Variants in ZNF267 observed in about 807,000 individuals in gnomAD.
ZNF267 encodes the protein zinc finger (C2H2).
A neutral mutation model predicts 71.6 loss-of-function variants in ZNF267; 61 were observed. That is an observed-to-expected ratio of 0.85 (90% CI 0.69 to 1.05). ZNF267 has a LOEUF of 1.05. Among genes scored for constraint, ZNF267 ranks in the 50% least tolerant of loss-of-function variants. ZNF267 has a pLI of 0.00. For missense variants in ZNF267, 852 were observed against 870.0 expected, an observed-to-expected ratio of 0.98 and a Z score of 0.26; for synonymous variants, 288 against 293.2, an observed-to-expected ratio of 0.98 and a Z score of 0.18.
At chr16:31,894,730 A>G (rs2083984987) in intron 3 of ZNF267, 1 of 481,512 alleles carries the variant, frequency 2.1e-6, no homozygotes, top group Non-Finnish European at 4.1e-6. Flanking sequence ...ATGCTCTAAT[A>G]GTAGCCTGGT....
At chr16:31,901,386 A>T (rs1433462716) in intron 3 of ZNF267, among the ~76,000 whole-genome samples, 1 of 152,224 alleles carries the variant, frequency 6.6e-6, no homozygotes, top group Non-Finnish European at 1.5e-5. Flanking sequence ...ACCAACTTTC[A>T]CAATGGTTGA....
Position 31,884,629 on chromosome 16 carries a change from G to T in ZNF267, c.130+5G>T, listed in dbSNP as rs185433929. 3.1e-6 allele frequency: 5 copies of T among 1,606,306 alleles called. No homozygotes were observed. In the East Asian group the frequency reaches 1.1e-4, roughly 36 times the overall value. ...ACAGAAACCTGGTCTCTCTGGGTGA[G>T]GATAACTTGCCTTCGGAATATCTAA... On this transcript the variant is annotated splice_donor_5th_base_variant and intron_variant, in intron 2 of 3. Transcript: ENST00000300870.
intron 1 of ZNF267, among the ~76,000 whole-genome samples, chr16:31,883,248 CCTTTA>C (rs1169529709): frequency 6.6e-6 from 1 of 151,510 alleles, no homozygotes. Context: ...GAAACAAGAG[CCTTTA>C]CTTTATTTCA....
At chr16:31,878,637 CAG>C (rs1450995915) in intron 1 of ZNF267, among the ~76,000 whole-genome samples, 1 of 152,064 alleles carries the variant, frequency 6.6e-6, no homozygotes, top group African/African-American at 2.4e-5. Context: ...AGGGATATGT[CAG>C]AGCATAGTCC....
intron 3 of ZNF267, among the ~76,000 whole-genome samples, chr16:31,891,314 T>C (rs916044420): frequency 6.6e-6 from 1 of 152,260 alleles, no homozygotes; most frequent in Non-Finnish European, 1.5e-5. Context: ...GGTATACTTA[T>C]TTTAATGCTT....
intron 1 of ZNF267, among the ~76,000 whole-genome samples, chr16:31,877,817 A>G (rs1426072542): frequency 6.6e-6 from 1 of 150,590 alleles, no homozygotes; most frequent in Non-Finnish European, 1.5e-5. Flanking sequence ...TTTTCCCACT[A>G]CTTTTTTTTT....
chr16:31,898,599 T>A (rs1596622682), intron 3 of ZNF267, among the ~76,000 whole-genome samples: 1 of 152,196 alleles, frequency 6.6e-6, no homozygotes, highest in East Asian at 1.9e-4. Flanking sequence ...TTTTTGTGTA[T>A]CTACTATAGG....
chr16:31,892,036 G>A (rs944598700), intron 3 of ZNF267, among the ~76,000 whole-genome samples: 54 of 152,246 alleles, frequency 3.5e-4, no homozygotes, highest in African/African-American at 1.3e-3. Flanking sequence ...ACAAAATCCA[G>A]GCTGAGGTGG....
At chr16:31,911,561 T>G (rs1596631010) in intron 3 of ZNF267, among the ~76,000 whole-genome samples, 1 of 151,780 alleles carries the variant, frequency 6.6e-6, no homozygotes, top group South Asian at 2.1e-4. Context: ...TCTTTATAGA[T>G]GAAGTGTATT....
chr16:31,875,365 G>A lies in ZNF267; in HGVS notation c.3+1396G>A. The A allele has an allele frequency of 4.8e-6, 6 of 1,247,002 alleles. No homozygotes were observed. In the South Asian group the frequency reaches 7.8e-5, roughly 16 times the overall value. 77.2% of individuals were successfully genotyped at this position (1,247,002 alleles called of 1,614,324 possible). ...CCCTGGGGCTGAGAGAAATCTCCTGGGACACCCTTAACCTAAAAAGATAAC... is the reference window on the plus strand; with the variant it reads ...CCCTGGGGCTGAGAGAAATCTCCTGAGACACCCTTAACCTAAAAAGATAAC... On this transcript the variant is annotated intron_variant, in intron 1 of 3. Transcript: ENST00000300870.
chr16:31,900,620 A>G (rs1392022524), intron 3 of ZNF267, among the ~76,000 whole-genome samples: 1 of 151,572 alleles, frequency 6.6e-6, no homozygotes, highest in African/African-American at 2.4e-5. Context: ...ATTTTTTTGT[A>G]TTTTTAGTAG....
In ZNF267 at chr16:31,884,573, A is replaced by C. The variant is rs2083910701; in HGVS notation, c.79A>C (p.Asn27His). The C allele has an allele frequency of 6.2e-7, 1 of 1,614,104 alleles. No individual in the cohort carries two copies. Among genetic ancestry groups the C allele is most frequent in the Non-Finnish European group, 8.5e-7 (1 of 1,179,992 alleles). Residue 27 changes from asparagine (N) to histidine (H), a missense_variant, in exon 2 of 4, where the codon AAT becomes CAT. Coordinates refer to ENST00000300870, the MANE Select transcript of ZNF267 (RefSeq NM_003414.6). ...GGAACACCTGGAACCAGCTCAGAAG[A>C]ATTTGTATCAGGATGTGATGTTAGA... ...EWEHLEPAQK[N>H]LYQDVMLENY...
intron 3 of ZNF267, among the ~76,000 whole-genome samples, chr16:31,897,638 A>G (rs72793037): frequency 0.024 from 3,691 of 152,190 alleles, 72 homozygotes; most frequent in Middle Eastern, 0.075. Context: ...AAAGAGATCT[A>G]TTGATATTTT....
At chr16:31,874,214 C>G (rs891948120) in intron 1 of ZNF267, 1 of 487,536 alleles carries the variant, frequency 2.1e-6, no homozygotes, top group Non-Finnish European at 3.7e-6. Flanking sequence ...TGGCCGGAGC[C>G]CTCTCTGGGC....
chr16:31,895,937 T>G (rs2083995034), intron 3 of ZNF267, among the ~76,000 whole-genome samples: 1 of 152,226 alleles, frequency 6.6e-6, no homozygotes, highest in Non-Finnish European at 1.5e-5. Flanking sequence ...TTTCACTCAG[T>G]ATTTTCATTT....
Position 31,894,728 on chromosome 16 carries a change from A to T in ZNF267, c.226+9472A>T, listed in dbSNP as rs1197556759. 18 of 481,276 alleles carry T rather than the reference A, an allele frequency of 3.7e-5. No individual in the cohort carries two copies. The East Asian group carries it at 9.8e-4, about 26-fold the overall frequency. The allele number at this position is 481,276 out of a possible 1,614,324, so 29.8% of individuals were successfully genotyped here. A position where few individuals can be genotyped will look rare whatever the true frequency, so the allele number is the denominator to read the frequency against. On this transcript the variant is annotated intron_variant, in intron 3 of 3. Transcript: ENST00000300870. ...GAGACAGGGCATTCCAAATGCTCTA[A>T]TAGTAGCCTGGTGGTGTTCCTTTCT...
chr16:31,914,292 C>G, intron 3 of ZNF267, 184 bp from the exon 4 acceptor site: 1 of 557,716 alleles, frequency 1.8e-6, no homozygotes, highest in Non-Finnish European at 3.0e-6. Context: ...CTGTTGGTGT[C>G]TTAGTAGTTC....
At chr16:31,913,227 G>A (rs940947559) in intron 3 of ZNF267, 3 of 152,118 alleles carry the variant, frequency 2.0e-5, no homozygotes. Flanking sequence ...CCATGTGGTT[G>A]GTCTTGGTTA....
intron 3 of ZNF267, chr16:31,913,244 A>G (rs562150863): frequency 6.6e-6 from 1 of 152,298 alleles, no homozygotes; most frequent in African/African-American, 2.4e-5. Flanking sequence ...GTTAAAATCG[A>G]TGAATTATCT....
Sources: gnomAD v4.1 joint callset for allele counts (sites outside exome capture counted in the v4.1 genomes callset) on GRCh38, gnomAD v4.1.1 for gene constraint, MANE v1.5 for transcripts, NCBI Gene and HGNC (gene_info 2026-07-23, HGNC 2026-07-21) for gene names.